SLC25A19: variants seen among roughly 807,000 people sequenced by gnomAD.
SLC25A19 encodes the protein solute carrier family 25 member 19, also known as mitochondrial thiamine pyrophosphate carrier.
Under a neutral mutation model 27.9 loss-of-function variants are expected in SLC25A19, and 18 were observed. That is an observed-to-expected ratio of 0.64 (90% CI 0.45 to 0.96). The LOEUF (loss-of-function observed/expected upper bound fraction) is 0.96. Among genes scored for constraint, SLC25A19 ranks in the 40% least tolerant of loss-of-function variants. The pLI is 0.00. For missense variants in SLC25A19, 371 were observed against 418.3 expected (o/e 0.89, Z 0.99); for synonymous variants, 169 against 167.1 (o/e 1.01, Z -0.09).
chr17:75,288,682 C>T (rs1437825848), intron 1 of SLC25A19, 91 bp from the exon 2 acceptor site: 1 of 111,776 alleles, frequency 8.9e-6, no homozygotes, highest in East Asian at 2.6e-4. Flanking sequence ...ATCCCTAAAA[C>T]TAGCCTTCAG....
At chr17:75,275,933 T>C (rs1042248394) in intron 7 of SLC25A19, among the ~76,000 whole-genome samples, 9 of 151,692 alleles carry the variant, frequency 5.9e-5, no homozygotes, top group Non-Finnish European at 1.0e-4. Flanking sequence ...ATCACGCCAC[T>C]GCACTCCAGC....
At position 75,273,079 on chromosome 17, in the gene SLC25A19, C is replaced by G; in HGVS notation, c.*372G>C. On this transcript the variant is annotated 3_prime_UTR_variant, in exon 8 of 8. Transcript: ENST00000416858. Reference sequence around the variant, plus strand: ...ACTCCTGCAAAGGGCCTACCGCAGCCCTCTGCACTCAAGCAGCAGCCCCAT... The same window carrying G: ...ACTCCTGCAAAGGGCCTACCGCAGCGCTCTGCACTCAAGCAGCAGCCCCAT... 2.8e-6 allele frequency: 1 copy of G among 352,768 alleles called. No homozygotes were observed. The highest frequency in any genetic ancestry group is 5.4e-6 in the Non-Finnish European group (1 of 183,604). 21.9% of individuals were successfully genotyped at this position (352,768 alleles called of 1,614,324 possible).
At chr17:75,274,973 C>G (rs372411607) in intron 7 of SLC25A19, among the ~76,000 whole-genome samples, 86 of 47,172 alleles carry the variant, frequency 1.8e-3, no homozygotes, top group African/African-American at 7.3e-3. Flanking sequence ...GGATTTTGGT[C>G]TTTTTTTTTT....
At position 75,273,218 on chromosome 17, in the gene SLC25A19, CTTCT is replaced by C. The variant is rs1176653674; in HGVS notation, c.*229_*232del. On this transcript the variant is annotated 3_prime_UTR_variant, in exon 8 of 8. Transcript: ENST00000416858. ...GAGGAGAAACAGCAACTTCCTGCTC[CTTCT>C]CACTGTGTCGTTGGCTCACCATAGA... The C allele has an allele frequency of 1.2e-5, 7 of 560,634 alleles. No individual in the cohort carries two copies. In the East Asian group the frequency reaches 1.8e-4, roughly 15 times the overall value. 34.7% of individuals were successfully genotyped at this position (560,634 alleles called of 1,614,324 possible).
chr17:75,276,817 C>T (rs1449980349), intron 7 of SLC25A19, among the ~76,000 whole-genome samples: 1 of 148,410 alleles, frequency 6.7e-6, no homozygotes, highest in Non-Finnish European at 1.5e-5. Context: ...TGGGACTACA[C>T]GTGCCCACCA....
chr17:75,275,618 G>C (rs1327879779), intron 7 of SLC25A19, among the ~76,000 whole-genome samples: 1 of 152,154 alleles, frequency 6.6e-6, no homozygotes, highest in East Asian at 1.9e-4. Flanking sequence ...ACATGACTTA[G>C]CACGGGGCTT....
At chr17:75,279,901 A>G (rs1413679715) in intron 5 of SLC25A19, among the ~76,000 whole-genome samples, 2 of 152,030 alleles carry the variant, frequency 1.3e-5, no homozygotes, top group African/African-American at 4.8e-5. Flanking sequence ...GGCTCAAGCA[A>G]TCCTCTCAAC....
At chr17:75,282,753 G>T (rs1453984885) in intron 5 of SLC25A19, among the ~76,000 whole-genome samples, 1 of 151,696 alleles carries the variant, frequency 6.6e-6, no homozygotes, top group African/African-American at 2.4e-5. Flanking sequence ...TCGGGAGGCT[G>T]AGGAGGGAGA....
chr17:75,283,162 G>A (rs1444226212), intron 5 of SLC25A19, among the ~76,000 whole-genome samples: 61 of 151,122 alleles, frequency 4.0e-4, no homozygotes, highest in African/African-American at 1.3e-3. Context: ...TTAGCCAGGC[G>A]TGGTGGCGGG....
At chr17:75,281,542 T>C (rs2078039270) in intron 5 of SLC25A19, among the ~76,000 whole-genome samples, 1 of 151,862 alleles carries the variant, frequency 6.6e-6, no homozygotes, top group South Asian at 2.1e-4. Flanking sequence ...ACGAAAAATA[T>C]AAAAATTAGC....
Position 75,273,332 on chromosome 17 carries a change from C to T in SLC25A19, c.*119G>A. ...TCCCAGCTGGGTGGGTTCAAGGCTG[C>T]TACCCCGCTTGGGGCAGCTGGCCTG... is the stretch of plus-strand genomic sequence containing the variant. On this transcript the variant is annotated 3_prime_UTR_variant, in exon 8 of 8. Coordinates refer to ENST00000416858, the MANE Select transcript of SLC25A19 (RefSeq NM_001126121.2). 1 of 1,183,968 alleles carries T rather than the reference C, an allele frequency of 8.4e-7. No individual in the cohort carries two copies. The highest frequency in any genetic ancestry group is 1.2e-6 in the Non-Finnish European group (1 of 830,074). The allele number at this position is 1,183,968 out of a possible 1,614,324, so 73.3% of individuals were successfully genotyped here. A position where few individuals can be genotyped will look rare whatever the true frequency, so the allele number is the denominator to read the frequency against.
intron 5 of SLC25A19, among the ~76,000 whole-genome samples, chr17:75,281,352 TTCC>T (rs2078034833): frequency 6.6e-6 from 1 of 152,174 alleles, no homozygotes; most frequent in South Asian, 2.1e-4. Flanking sequence ...CAGTAAATTC[TTCC>T]TCGAGTCTAT....
At chr17:75,287,569 G>T (rs2145788118) in intron 2 of SLC25A19, 1 of 152,344 alleles carries the variant, frequency 6.6e-6, no homozygotes, top group South Asian at 2.1e-4. Context: ...AGAATCGAAT[G>T]AACAGGCTTG....
chr17:75,289,118 T>A (rs1467648113), intron 1 of SLC25A19: 3 of 152,052 alleles, frequency 2.0e-5, no homozygotes, highest in Non-Finnish European at 4.4e-5. Flanking sequence ...TCGGGGTGTG[T>A]TTTTTCTCCT....
chr17:75,278,066 G>T, intron 6 of SLC25A19, 86 bp downstream of exon 6: 1 of 1,466,036 alleles, frequency 6.8e-7, no homozygotes, highest in Non-Finnish European at 9.5e-7. Context: ...ATTCGGACAG[G>T]AGAACTTTAG....
In SLC25A19 at chr17:75,273,549, A is replaced by G; in HGVS notation, c.865T>C (p.Leu289=). ...LGFFKGLSPS[L]LKAALSTGFM... is the part of the protein sequence containing the mutation. ...CCTGTGGAGAGGGCAGCCTTCAGCAAGCTGGGGGACAGGCCCTTGAAGAAG... is the reference window on the plus strand; with the variant it reads ...CCTGTGGAGAGGGCAGCCTTCAGCAGGCTGGGGGACAGGCCCTTGAAGAAG... Residue 289 remains leucine (L), a synonymous_variant, in exon 8 of 8, where the codon TTG becomes CTG. Transcript: ENST00000416858. 1 of 1,614,160 alleles carries G rather than the reference A, an allele frequency of 6.2e-7. No homozygotes were observed. Among genetic ancestry groups the G allele is most frequent in the Non-Finnish European group, 8.5e-7 (1 of 1,180,016 alleles).
intron 4 of SLC25A19, 89 bp from the exon 5 acceptor site, chr17:75,283,682 T>C: frequency 7.4e-7 from 1 of 1,358,670 alleles, no homozygotes; most frequent in Non-Finnish European, 1.0e-6. Context: ...GTGACCCGGC[T>C]GGGGCCCAGG....
intron 2 of SLC25A19, 98 bp from the exon 3 acceptor site, chr17:75,286,900 T>A: frequency 1.7e-6 from 2 of 1,190,926 alleles, no homozygotes; most frequent in Non-Finnish European, 2.4e-6. Flanking sequence ...CTAGACTGTC[T>A]AAAATAGCAC....
intron 2 of SLC25A19, 68 bp from the exon 3 acceptor site, chr17:75,286,870 C>A: frequency 7.0e-7 from 1 of 1,429,108 alleles, no homozygotes; most frequent in East Asian, 2.4e-5. Flanking sequence ...ATATCACCTC[C>A]TCAGAGCAGC....
Sources: allele counts gnomAD v4.1 joint callset (sites outside exome capture counted in the v4.1 genomes callset), GRCh38; gene constraint gnomAD v4.1.1; transcripts MANE v1.5; gene names NCBI Gene and HGNC (gene_info 2026-07-23, HGNC 2026-07-21).